BAIAP3: variants seen among roughly 807,000 people sequenced by gnomAD.
The protein encoded by BAIAP3 is BAI1 associated protein 3, also known as BAI1-associated protein 3.
A neutral mutation model predicts 149.7 loss-of-function variants in BAIAP3; 180 were observed. That is an observed-to-expected ratio of 1.20 (90% CI 1.07 to 1.36). The LOEUF (loss-of-function observed/expected upper bound fraction) is 1.36, where lower values mean the gene tolerates loss of function less well. BAIAP3 is among the 40% of genes most tolerant of loss of function. The pLI is 0.00. For missense variants in BAIAP3, 1,767 were observed against 1,563.4 expected (o/e 1.13, Z -2.20); for synonymous variants, 845 against 670.7 (o/e 1.26, Z -4.02).
At chr16:1,340,644 C>G (rs1336690674) in intron 5 of BAIAP3, among the ~76,000 whole-genome samples, 1 of 152,222 alleles carries the variant, frequency 6.6e-6, no homozygotes, top group African/African-American at 2.4e-5. Flanking sequence ...AAGGACGCTC[C>G]CGGCTTCCAC....
Position 1,343,035 on chromosome 16 carries a change from G to C in BAIAP3, c.1265+19G>C. 1 of 1,598,076 alleles carries C rather than the reference G, an allele frequency of 6.3e-7. No individual in the cohort carries two copies. The highest frequency in any genetic ancestry group is 8.5e-7 in the Non-Finnish European group (1 of 1,176,420). On this transcript the variant is annotated intron_variant, in intron 14 of 33. Coordinates refer to ENST00000426824, the MANE Select transcript of BAIAP3 (RefSeq NM_001199097.2). ...CCGTGCTGTGAGTGGGTGGAGCTACGAGTGGGCGGGGAATGTGGGCGGGCG... is the reference window on the plus strand; with the variant it reads ...CCGTGCTGTGAGTGGGTGGAGCTACCAGTGGGCGGGGAATGTGGGCGGGCG...
intron 21 of BAIAP3, 39 bp from the exon 22 acceptor site, chr16:1,345,210 C>G (rs745833965): frequency 6.2e-7 from 1 of 1,610,478 alleles, no homozygotes; most frequent in South Asian, 1.1e-5. Flanking sequence ...GTTAAGGTGT[C>G]TGAGTCAGGG....
Position 1,346,870 on chromosome 16 carries a change from T to A in BAIAP3, c.2666T>A (p.Leu889Gln), listed in dbSNP as rs779928047. The A allele has an allele frequency of 3.1e-6, 5 of 1,607,578 alleles. No individual in the cohort carries two copies. In the African/African-American group the frequency reaches 5.3e-5, roughly 17 times the overall value. Residue 889 changes from leucine to glutamine, a missense_variant, in exon 28 of 34, where the codon CTA becomes CAA. By Grantham distance (113) the Leu-to-Gln change is moderately radical. Transcript: ENST00000426824. ...AGGGTGCTGGAGGCCCTGTGGGAGCTACTCCTCCAGGCCATTCTGCAGGCG... is the reference window on the plus strand; with the variant it reads ...AGGGTGCTGGAGGCCCTGTGGGAGCAACTCCTCCAGGCCATTCTGCAGGCG... Reference protein sequence around the residue: ...LSRVLEALWELLLQAILQALG... With the variant: ...LSRVLEALWEQLLQAILQALG...
intron 5 of BAIAP3, 60 bp downstream of exon 5, chr16:1,339,663 C>A: frequency 2.4e-6 from 3 of 1,260,792 alleles, no homozygotes; most frequent in Non-Finnish European, 3.4e-6. Flanking sequence ...ACCCCTTCCC[C>A]ACCCACTGAC....
rs372999268 is a variant in BAIAP3 at position 1,342,323 on chromosome 16, G to T, written c.957+40G>T. On this transcript the variant is annotated intron_variant, in intron 11 of 33. Coordinates refer to ENST00000426824, the MANE Select transcript of BAIAP3 (RefSeq NM_001199097.2). The stretch of plus-strand genomic sequence containing the variant: ...GGTGGGGCTGGTGACACTTAGAGAA[G>T]GGCCTGGGGAGTGTCCCAGCCTTCA... 16 of 1,590,842 alleles carry T rather than the reference G, an allele frequency of 1.0e-5. No individual in the cohort carries two copies. In the African/African-American group the frequency reaches 1.9e-4, roughly 19 times the overall value.
At chr16:1,337,626 C>T (rs903217929) in intron 1 of BAIAP3, among the ~76,000 whole-genome samples, 6 of 152,152 alleles carry the variant, frequency 3.9e-5, no homozygotes, top group African/African-American at 7.2e-5. Flanking sequence ...GCCCAGGCTC[C>T]GGGCCTTGGC....
rs747945715 is a variant in BAIAP3, at chr16:1,338,910, G to A, written c.140G>A (p.Gly47Glu). The stretch of plus-strand genomic sequence containing the variant: ...CCCGGCTCTTTCTCCAGGAAACCCG[G>A]GGATGGCGTGGAGTTCTTTGCCCAC... Reference protein sequence around the residue: ...QEPATGAWKPGDGVEFFAHMR... With the variant: ...QEPATGAWKPEDGVEFFAHMR... The change falls in exon 3 of 34, where the codon GGG becomes GAG. Residue 47 changes from glycine to glutamate, a missense_variant. Transcript: ENST00000426824. 6.2e-7 allele frequency: 1 copy of A among 1,613,076 alleles called. No homozygotes were observed. The highest frequency in any genetic ancestry group is 1.1e-5 in the South Asian group (1 of 91,084).
Position 1,342,938 on chromosome 16 carries a change from A to G in BAIAP3, c.1187A>G (p.Glu396Gly), listed in dbSNP as rs772185164. The change falls in exon 14 of 34, where the codon GAG becomes GGG. Residue 396 changes from glutamate to glycine, a missense_variant. By Grantham distance (98) the Glu-to-Gly change is moderately conservative. Coordinates refer to ENST00000426824, the MANE Select transcript of BAIAP3 (RefSeq NM_001199097.2). Reference protein sequence around the residue: ...EEPNSSSWRGELSTPAATILC... With the variant: ...EEPNSSSWRGGLSTPAATILC... ...CCCAACTCCAGCAGCTGGCGAGGAGAGCTCAGCACACCAGCCGCCACCATC... is the reference window on the plus strand; with the variant it reads ...CCCAACTCCAGCAGCTGGCGAGGAGGGCTCAGCACACCAGCCGCCACCATC... The G allele has an allele frequency of 3.1e-6, 5 of 1,612,226 alleles. No homozygotes were observed. The highest frequency in any genetic ancestry group is 1.7e-5 in the Admixed American group (1 of 60,020).
rs1025971013 is a variant in BAIAP3 at position 1,348,994 on chromosome 16, C to A, written c.*512C>A. On this transcript the variant is annotated 3_prime_UTR_variant, in exon 34 of 34. Transcript: ENST00000426824. ...TGCAAAGGGCAGGTGAGTCAAGAAC[C>A]GCATAGGTCTCCAGTCCCCACGGGG... 1 of 275,828 alleles carries A rather than the reference C, an allele frequency of 3.6e-6. No homozygotes were observed. The highest frequency in any genetic ancestry group is 2.2e-5 in the African/African-American group (1 of 45,086). 17.1% of individuals were successfully genotyped at this position (275,828 alleles called of 1,614,324 possible). A position where few individuals can be genotyped will look rare whatever the true frequency, so the allele number is the denominator to read the frequency against.
intron 4 of BAIAP3, 102 bp from the exon 5 acceptor site, chr16:1,339,394 C>A: frequency 6.8e-7 from 1 of 1,475,406 alleles, no homozygotes; most frequent in South Asian, 1.2e-5. Context: ...GCTCCTGGTG[C>A]AAAGAGGCAG....
At position 1,343,011 on chromosome 16, in the gene BAIAP3, C is replaced by T. The variant is rs1418879363; in HGVS notation, c.1260C>T (p.Ala420=). The change falls in exon 14 of 34, where the codon GCC becomes GCT. Residue 420 remains alanine, a synonymous_variant. Coordinates refer to ENST00000426824, the MANE Select transcript of BAIAP3 (RefSeq NM_001199097.2). ...AQSNLSPLQL[A]VLHWQVSSRH... ...GCAACCTGTCACCCTTGCAGCTGGCCGTGCTGTGAGTGGGTGGAGCTACGA... is the reference window on the plus strand; with the variant it reads ...GCAACCTGTCACCCTTGCAGCTGGCTGTGCTGTGAGTGGGTGGAGCTACGA... 2 of 1,603,632 alleles carry T rather than the reference C, an allele frequency of 1.2e-6. No individual in the cohort carries two copies. Among genetic ancestry groups the T allele is most frequent in the African/African-American group, 1.3e-5 (1 of 74,560 alleles).
In BAIAP3 at chr16:1,348,911, A is replaced by C; in HGVS notation, c.*429A>C. On this transcript the variant is annotated 3_prime_UTR_variant, in exon 34 of 34. Coordinates refer to ENST00000426824, the MANE Select transcript of BAIAP3 (RefSeq NM_001199097.2). ...TTTGGTAATCACAGCTGGGGAGTGA[A>C]AAGGGTGCCACTGGCACCACTGGGT... 3.8e-6 allele frequency: 1 copy of C among 263,280 alleles called. No homozygotes were observed. The allele number at this position is 263,280 out of a possible 1,614,324, so 16.3% of individuals were successfully genotyped here.
chr16:1,344,346 C>T (rs754893336), intron 17 of BAIAP3, 29 bp downstream of exon 17: 36 of 1,612,770 alleles, frequency 2.2e-5, no homozygotes, highest in Non-Finnish European at 2.6e-5. Context: ...TGGAGGCCGG[C>T]TGCTAAGCCC....
In BAIAP3 at chr16:1,347,606, A is replaced by C; in HGVS notation, c.2885A>C (p.Tyr962Ser). The C allele has an allele frequency of 6.2e-7, 1 of 1,613,016 alleles. No homozygotes were observed. Among genetic ancestry groups the C allele is most frequent in the Non-Finnish European group, 8.5e-7 (1 of 1,179,956 alleles). Residue 962 changes from tyrosine (Y) to serine (S), a missense_variant, in exon 30 of 34, where the codon TAC becomes TCC. Tyr to Ser is a moderately radical substitution (Grantham distance 144). Coordinates refer to ENST00000426824, the MANE Select transcript of BAIAP3 (RefSeq NM_001199097.2). Reference sequence around the variant, plus strand: ...ACCCGCGAGTGCATCGAGCAGTTCTACCTGGACAAGCTCAAACAGGTAGGG... The same window carrying C: ...ACCCGCGAGTGCATCGAGCAGTTCTCCCTGGACAAGCTCAAACAGGTAGGG... ...CSTRECIEQF[Y>S]LDKLKQRTLE...
At chr16:1,338,479 C>T in intron 1 of BAIAP3, 61 bp from the exon 2 acceptor site, 1 of 826,484 alleles carries the variant, frequency 1.2e-6, no homozygotes, top group Non-Finnish European at 1.7e-6. Flanking sequence ...CCCCCGCCTG[C>T]TGTGGTGCAC....
intron 23 of BAIAP3, 29 bp downstream of exon 23, chr16:1,345,919 G>T (rs773916965): frequency 6.3e-7 from 1 of 1,577,484 alleles, no homozygotes; most frequent in African/African-American, 1.3e-5. Flanking sequence ...GGGGTGAGGG[G>T]AACGGGTGGG....
chr16:1,347,654 C>T, intron 30 of BAIAP3, 29 bp downstream of exon 30: 2 of 1,612,868 alleles, frequency 1.2e-6, no homozygotes, highest in Non-Finnish European at 1.7e-6. Flanking sequence ...CAGGGTGCTG[C>T]CTCCGAGGCT....
In BAIAP3 at chr16:1,345,813, C is replaced by T; in HGVS notation, c.2131C>T (p.His711Tyr). 6.3e-7 allele frequency: 1 copy of T among 1,580,860 alleles called. No homozygotes were observed. Among genetic ancestry groups the T allele is most frequent in the Non-Finnish European group, 8.6e-7 (1 of 1,166,808 alleles). The change falls in exon 23 of 34, where the codon CAC becomes TAC. Residue 711 changes from histidine to tyrosine, a missense_variant. By Grantham distance (83) the His-to-Tyr change is moderately conservative (BLOSUM62 2). Transcript: ENST00000426824. ...SAATAGLCLS[H>Y]IQELWVRLAW... ...AGCCACTGCTGGTCTCTGCCTCAGC[C>T]ACATCCAGGAGTTGTGGGTGCGCCT... is the stretch of plus-strand genomic sequence containing the variant.
intron 16 of BAIAP3, 29 bp from the exon 17 acceptor site, chr16:1,344,197 GC>G: frequency 6.2e-7 from 1 of 1,612,644 alleles, no homozygotes; most frequent in Non-Finnish European, 8.5e-7. Context: ...GGCAGGGCAG[GC>G]CCCACGTCAG....
Sources: allele counts gnomAD v4.1 joint callset (sites outside exome capture counted in the v4.1 genomes callset), GRCh38; gene constraint gnomAD v4.1.1; transcripts MANE v1.5; gene names NCBI Gene and HGNC (gene_info 2026-07-23, HGNC 2026-07-21).